POU2AF1: variants seen among roughly 807,000 people sequenced by gnomAD.
POU2AF1 encodes POU domain class 2-associating factor 1.
In POU2AF1, 12 loss-of-function variants were observed where a neutral mutation model predicts 26.3. The ratio of observed to expected loss-of-function variants is 0.46; its 90% CI spans 0.29 to 0.74. The LOEUF is 0.74. POU2AF1 is among the 30% of genes least tolerant of loss of function. The pLI, the probability that POU2AF1 is intolerant of heterozygous loss-of-function variation, is 0.09. For missense variants in POU2AF1, 297 were observed against 334.5 expected (o/e 0.89, Z 0.87); for synonymous variants, 175 against 148.0 (o/e 1.18, Z -1.32).
In POU2AF1 at chr11:111,372,029, T is replaced by A. The variant is rs1005971479; in HGVS notation, c.16+7133A>T. Among the ~76,000 whole-genome samples, 6 of 121,044 alleles carry A rather than the reference T, an allele frequency of 5.0e-5. 1 individual carries two copies. The highest frequency in any genetic ancestry group is 1.8e-4 in the Admixed American group (2 of 11,220). The allele number at this position is 121,044 out of a possible 152,430, so 79.4% of individuals were successfully genotyped here. On this transcript the variant is annotated intron_variant, in intron 1 of 4. Transcript: ENST00000393067. ...CACACCCCACCTAAACACACACAAA[T>A]ACACACACACACACACACACACACA...
In POU2AF1 at chr11:111,353,733, G is replaced by A. The variant is rs1003073334; in HGVS notation, c.*528C>T. On this transcript the variant is annotated 3_prime_UTR_variant, in exon 5 of 5. Coordinates refer to ENST00000393067, the MANE Select transcript of POU2AF1 (RefSeq NM_006235.3). ...CTAAGATGGTTCAGCAGGCACTGGA[G>A]GAAGGAGGCCTTTTCCAAGAAATGA... 6 of 251,628 alleles carry A rather than the reference G, an allele frequency of 2.4e-5. No individual in the cohort carries two copies. The highest frequency in any genetic ancestry group is 5.5e-5 in the Admixed American group (1 of 18,056). The allele number at this position is 251,628 out of a possible 1,614,324, so 15.6% of individuals were successfully genotyped here. A position where few individuals can be genotyped will look rare whatever the true frequency, so the allele number is the denominator to read the frequency against.
At chr11:111,373,723 T>C (rs1861255701) in intron 1 of POU2AF1, among the ~76,000 whole-genome samples, 1 of 141,120 alleles carries the variant, frequency 7.1e-6, no homozygotes, top group African/African-American at 2.7e-5. Flanking sequence ...ATCTGTAGAA[T>C]GGAAAGTAAA....
At chr11:111,373,640 A>G (rs1861254229) in intron 1 of POU2AF1, among the ~76,000 whole-genome samples, 1 of 152,246 alleles carries the variant, frequency 6.6e-6, no homozygotes, top group South Asian at 2.1e-4. Flanking sequence ...GGAAAAGGCA[A>G]GTTCCATTCC....
chr11:111,374,942 C>T (rs1565368143), intron 1 of POU2AF1, among the ~76,000 whole-genome samples: 1 of 152,138 alleles, frequency 6.6e-6, no homozygotes, highest in Non-Finnish European at 1.5e-5. Context: ...TTTAGTGGAA[C>T]CCTAGAGTAC....
Position 111,375,640 on chromosome 11 carries a change from C to A in POU2AF1, c.16+3522G>T, listed in dbSNP as rs1861297192. ...GGTCTCGATCTCCTGACCTCGTGAT[C>A]TGCCCGCCTTGGCCTCCCAAAGTGC... On this transcript the variant is annotated intron_variant, in intron 1 of 4. Coordinates refer to ENST00000393067, the MANE Select transcript of POU2AF1 (RefSeq NM_006235.3). Among the ~76,000 whole-genome samples, 3 of 152,276 alleles carry A rather than the reference C, an allele frequency of 2.0e-5. No individual in the cohort carries two copies. In the South Asian group the frequency reaches 6.2e-4, roughly 32 times the overall value.
At chr11:111,358,404 ACT>A (rs1265288826) in intron 2 of POU2AF1, among the ~76,000 whole-genome samples, 64 of 28,568 alleles carry the variant, frequency 2.2e-3, no homozygotes, top group Middle Eastern at 0.02. Flanking sequence ...TCACACACAT[ACT>A]CTCTCACACA....
intron 1 of POU2AF1, 120 bp downstream of exon 1, chr11:111,379,025 CGGGGCTTGGAACCCAGA>C: frequency 1.6e-6 from 1 of 623,466 alleles, no homozygotes; most frequent in Admixed American, 2.0e-5. Flanking sequence ...CTCCCTGCTC[CGGGGCTTGGAACCCAGA>C]CCCCCTCCCC....
intron 2 of POU2AF1, among the ~76,000 whole-genome samples, chr11:111,358,366 A>ACT (rs1473451053): frequency 4.7e-5 from 5 of 106,244 alleles, no homozygotes; most frequent in Admixed American, 1.1e-4. Context: ...ACTCTCACAC[A>ACT]CTCACACACT....
chr11:111,376,501 T>G (rs1861312461), intron 1 of POU2AF1, among the ~76,000 whole-genome samples: 1 of 152,192 alleles, frequency 6.6e-6, no homozygotes, highest in Middle Eastern at 3.2e-3. Context: ...GGCTTGAAGA[T>G]TTCTACTTCT....
At chr11:111,358,266 A>G (rs1387932241) in intron 2 of POU2AF1, among the ~76,000 whole-genome samples, 1 of 151,764 alleles carries the variant, frequency 6.6e-6, no homozygotes, top group African/African-American at 2.4e-5. Flanking sequence ...CTCCCAAGCC[A>G]TCTGCCTGCG....
At chr11:111,378,885 T>G (rs569673187) in intron 1 of POU2AF1, among the ~76,000 whole-genome samples, 1 of 152,334 alleles carries the variant, frequency 6.6e-6, no homozygotes, top group African/African-American at 2.4e-5. Context: ...CAGTGATTCA[T>G]GCACAGAAGC....
chr11:111,379,076 C>A, intron 1 of POU2AF1, 86 bp downstream of exon 1: 1 of 1,580,052 alleles, frequency 6.3e-7, no homozygotes, highest in Non-Finnish European at 8.7e-7. Context: ...ACCTCCACCA[C>A]CAGCTCCCCA....
At position 111,354,218 on chromosome 11, in the gene POU2AF1, A is replaced by G; in HGVS notation, c.*43T>C. On this transcript the variant is annotated 3_prime_UTR_variant, in exon 5 of 5. Coordinates refer to ENST00000393067, the MANE Select transcript of POU2AF1 (RefSeq NM_006235.3). The stretch of plus-strand genomic sequence containing the variant: ...TGGGGCTCAATTCCAGGCTCATTTT[A>G]AAATCCCAGTTTCAGGGAACAGGAC... 1.9e-6 allele frequency: 3 copies of G among 1,594,364 alleles called. No homozygotes were observed. The Middle Eastern group carries it at 5.0e-4, about 267-fold the overall frequency.
At chr11:111,362,185 T>A (rs1262630419) in intron 1 of POU2AF1, among the ~76,000 whole-genome samples, 1 of 152,182 alleles carries the variant, frequency 6.6e-6, no homozygotes, top group African/African-American at 2.4e-5. Flanking sequence ...TCTTTATGAG[T>A]ACATAGTCAG....
chr11:111,370,677 G>A (rs1861193005), intron 1 of POU2AF1, among the ~76,000 whole-genome samples: 1 of 152,170 alleles, frequency 6.6e-6, no homozygotes, highest in South Asian at 2.1e-4. Context: ...GAATAAGGGA[G>A]TTTGTAGCAA....
chr11:111,366,010 T>G (rs1412074974), intron 1 of POU2AF1, among the ~76,000 whole-genome samples: 1 of 152,240 alleles, frequency 6.6e-6, no homozygotes, highest in East Asian at 1.9e-4. Context: ...TTTCTTACAG[T>G]TACGGTCTGA....
chr11:111,367,527 CTG>C (rs141193253), intron 1 of POU2AF1, among the ~76,000 whole-genome samples: 7,406 of 152,246 alleles, frequency 0.049, 227 homozygotes, highest in Middle Eastern at 0.15. Flanking sequence ...AGCCCAGGAC[CTG>C]TGATTCCAAG....
intron 1 of POU2AF1, among the ~76,000 whole-genome samples, chr11:111,371,397 A>G (rs893990516): frequency 3.9e-5 from 6 of 152,188 alleles, no homozygotes; most frequent in African/African-American, 1.2e-4. Context: ...CAACTAGATT[A>G]CAAACACTCA....
intron 1 of POU2AF1, among the ~76,000 whole-genome samples, chr11:111,371,281 C>T (rs1861204813): frequency 6.6e-6 from 1 of 152,110 alleles, no homozygotes; most frequent in Admixed American, 6.5e-5. Context: ...CCAGCTCTTC[C>T]CAGAAAGTGG....
Sources: allele counts gnomAD v4.1 joint callset (sites outside exome capture counted in the v4.1 genomes callset), GRCh38; gene constraint gnomAD v4.1.1; transcripts MANE v1.5; gene names NCBI Gene and HGNC (gene_info 2026-07-23, HGNC 2026-07-21).